Variants in ANKRD30B observed in about 807,000 individuals in gnomAD.
ANKRD30B encodes the protein ankyrin repeat domain 30B, also known as ankyrin repeat domain-containing protein 30B.
A neutral mutation model predicts 202.2 loss-of-function variants in ANKRD30B; 144 were observed. That is an observed-to-expected ratio of 0.71 (90% CI 0.62 to 0.82). The LOEUF is 0.82. Among genes scored for constraint, ANKRD30B ranks in the 40% least tolerant of loss-of-function variants. The pLI is 0.00. For missense variants in ANKRD30B, 1,487 were observed against 1,669.1 expected (o/e 0.89, Z 1.90); for synonymous variants, 508 against 561.3 (o/e 0.91, Z 1.34).
the ANKRD30B span, among the ~76,000 whole-genome samples, chr18:14,899,185 G>C: frequency 2.0e-5 from 3 of 151,972 alleles, no homozygotes; most frequent in Non-Finnish European, 2.9e-5. Context: ...TATAAAGTTT[G>C]TTTAAATATG....
rs184992297 is a variant in ANKRD30B, at chr18:14,797,738, A to G, written c.1957-44A>G. 337 of 1,603,282 alleles carry G rather than the reference A, an allele frequency of 2.1e-4. No individual in the cohort carries two copies. The African/African-American group carries it at 3.4e-3, about 16-fold the overall frequency. ...TTGAATATTAACTACATATTTTTGA[A>G]GTGTACATTATATATTAATTTTTGT... is the stretch of plus-strand genomic sequence containing the variant. On this transcript the variant is annotated intron_variant, in intron 19 of 43. Coordinates refer to ENST00000690538, the MANE Select transcript of ANKRD30B (RefSeq NM_001367607.2).
chr18:14,817,272 A>G (rs907776238), intron 30 of ANKRD30B, among the ~76,000 whole-genome samples: 4 of 152,210 alleles, frequency 2.6e-5, no homozygotes, highest in African/African-American at 9.6e-5. Flanking sequence ...ACAGCCATAC[A>G]TTTCAATAGC....
chr18:14,881,023 G>A, the ANKRD30B span, among the ~76,000 whole-genome samples: 6 of 152,224 alleles, frequency 3.9e-5, no homozygotes, highest in East Asian at 1.9e-4. Context: ...AGGTCATATC[G>A]TCAGCAACCA....
At chr18:14,927,549 T>C in the ANKRD30B span, among the ~76,000 whole-genome samples, 1 of 152,188 alleles carries the variant, frequency 6.6e-6, no homozygotes, top group Non-Finnish European at 1.5e-5. Flanking sequence ...CAAAGCACTT[T>C]GTGATTCTGT....
At chr18:14,839,943 T>G (rs1389684676) in intron 36 of ANKRD30B, among the ~76,000 whole-genome samples, 1 of 152,176 alleles carries the variant, frequency 6.6e-6, no homozygotes, top group Non-Finnish European at 1.5e-5. Context: ...TGTCCTATTG[T>G]TTTTGGTGAG....
chr18:14,872,283 A>G, the ANKRD30B span, among the ~76,000 whole-genome samples: 1 of 152,194 alleles, frequency 6.6e-6, no homozygotes, highest in African/African-American at 2.4e-5. Flanking sequence ...CTAAGCCCCA[A>G]GGGTTTCTCC....
rs549924277 is a variant in ANKRD30B, at chr18:14,750,954, C to T, written c.222-1612C>T. Among the ~76,000 whole-genome samples the T allele has an allele frequency of 2.6e-5, 4 of 151,962 alleles. No homozygotes were observed. The South Asian group carries it at 8.3e-4, about 32-fold the overall frequency. On this transcript the variant is annotated intron_variant, in intron 1 of 43. Transcript: ENST00000690538. ...CTTTGATTTCTGCATTGAGCATGTA[C>T]GATGCTATTAGTAAAAGTTTATTAT... is the stretch of plus-strand genomic sequence containing the variant.
At chr18:14,931,353 A>G in the ANKRD30B span, among the ~76,000 whole-genome samples, 5 of 152,206 alleles carry the variant, frequency 3.3e-5, no homozygotes, top group African/African-American at 1.2e-4. Context: ...GAGTATTTTG[A>G]TCTCCAGTGA....
intron 34 of ANKRD30B, among the ~76,000 whole-genome samples, chr18:14,832,799 G>A (rs1353955136): frequency 6.6e-6 from 1 of 152,118 alleles, no homozygotes; most frequent in Non-Finnish European, 1.5e-5. Context: ...GAGAAAATAT[G>A]TCATAAATAA....
intron 23 of ANKRD30B, 48 bp from the exon 24 acceptor site, chr18:14,803,686 T>C (rs1969331255): frequency 1.3e-6 from 2 of 1,518,908 alleles, no homozygotes; most frequent in Non-Finnish European, 1.8e-6. Context: ...TACTCCTCAT[T>C]ATTGGGATTT....
rs1249451058 is a variant in ANKRD30B at position 14,852,138 on chromosome 18, A to G, written c.4194A>G (p.Glu1398=). ...CACAGTGTCAAATGAAGAAAGCTGA[A>G]CACATGTATCAAAATGAACAAGATA... ...CETQCQMKKA[E]HMYQNEQDNV... Residue 1398 remains glutamate, a synonymous_variant, in exon 42 of 44, where the codon GAA becomes GAG. Coordinates refer to ENST00000690538, the MANE Select transcript of ANKRD30B (RefSeq NM_001367607.2). The G allele has an allele frequency of 5.0e-6, 8 of 1,598,140 alleles. No homozygotes were observed. Among genetic ancestry groups the G allele is most frequent in the Non-Finnish European group, 6.8e-6 (8 of 1,172,114 alleles).
At chr18:14,853,300 A>ACT (rs1971962249) in intron 42 of ANKRD30B, among the ~76,000 whole-genome samples, 1 of 152,160 alleles carries the variant, frequency 6.6e-6, no homozygotes, top group Non-Finnish European at 1.5e-5. Context: ...GTATAGTACA[A>ACT]AAGAAGTGAG....
chr18:14,835,136 A>G (rs902347096), intron 34 of ANKRD30B, among the ~76,000 whole-genome samples: 2 of 151,828 alleles, frequency 1.3e-5, no homozygotes, highest in African/African-American at 2.4e-5. Context: ...AAAGTTTCTG[A>G]TCATATGAAC....
the ANKRD30B span, among the ~76,000 whole-genome samples, chr18:14,863,491 G>C: frequency 6.6e-6 from 1 of 151,914 alleles, no homozygotes; most frequent in Non-Finnish European, 1.5e-5. Flanking sequence ...ACCCAAACCT[G>C]AGCAGGTGCT....
chr18:14,862,403 T>C, the ANKRD30B span, among the ~76,000 whole-genome samples: 12 of 151,990 alleles, frequency 7.9e-5, no homozygotes, highest in African/African-American at 2.9e-4. Context: ...AAAAAGAAGA[T>C]TCCAATAAGC....
At chr18:14,796,070 C>T in intron 16 of ANKRD30B, 151 bp from the exon 17 acceptor site, 1 of 851,436 alleles carries the variant, frequency 1.2e-6, no homozygotes. Flanking sequence ...GGCATGTTAA[C>T]AAATACAAAA....
At chr18:14,871,995 C>T in the ANKRD30B span, among the ~76,000 whole-genome samples, 1 of 152,134 alleles carries the variant, frequency 6.6e-6, no homozygotes, top group African/African-American at 2.4e-5. Context: ...AAGCCTCTCC[C>T]ACACACTATT....
chr18:14,795,305 TCA>T (rs1968799267), intron 16 of ANKRD30B, among the ~76,000 whole-genome samples: 1 of 152,214 alleles, frequency 6.6e-6, no homozygotes, highest in African/African-American at 2.4e-5. Flanking sequence ...CAAGTGATTC[TCA>T]CAGCTCCGGC....
chr18:14,758,577 G>A (rs1210837600), intron 5 of ANKRD30B, among the ~76,000 whole-genome samples: 1 of 152,092 alleles, frequency 6.6e-6, no homozygotes, highest in East Asian at 1.9e-4. Context: ...CATATTCTCA[G>A]CCATTGTTTC....
Sources: gnomAD v4.1 joint callset for allele counts (sites outside exome capture counted in the v4.1 genomes callset) on GRCh38, gnomAD v4.1.1 for gene constraint, MANE v1.5 for transcripts, NCBI Gene and HGNC (gene_info 2026-07-23, HGNC 2026-07-21) for gene names.